Variants in PRRX1 observed in about 807,000 individuals in gnomAD.
PRRX1 encodes the protein paired related homeobox 1.
In PRRX1, 8 loss-of-function variants were observed where a neutral mutation model predicts 24.0. That is an observed-to-expected ratio of 0.33 (90% confidence interval 0.20 to 0.60). The LOEUF is 0.60. Ranked by LOEUF, PRRX1 falls within the 20% of genes least tolerant of loss-of-function variation. The probability of loss-of-function intolerance (pLI) is 0.82; values close to 1 mark genes in which losing one functional copy is unlikely to be tolerated. For synonymous variants in PRRX1, 160 were observed against 131.7 expected, an observed-to-expected ratio of 1.22 and a Z score of -1.47; for missense variants, 281 against 322.4, an observed-to-expected ratio of 0.87 and a Z score of 0.98.
intron 1 of PRRX1, among the ~76,000 whole-genome samples, chr1:170,696,938 A>G (rs1187728465): frequency 6.6e-6 from 1 of 152,178 alleles, no homozygotes; most frequent in East Asian, 1.9e-4. Flanking sequence ...TGAACTTAAT[A>G]GAGCTAAATA....
intron 1 of PRRX1, among the ~76,000 whole-genome samples, chr1:170,679,494 G>A (rs573502879): frequency 6.6e-6 from 1 of 152,280 alleles, no homozygotes; most frequent in Non-Finnish European, 1.5e-5. Flanking sequence ...CCACCTCCCA[G>A]GTTCATGCCA....
At chr1:170,693,000 C>T (rs192408482) in intron 1 of PRRX1, among the ~76,000 whole-genome samples, 3 of 152,126 alleles carry the variant, frequency 2.0e-5, no homozygotes, top group Admixed American at 6.6e-5. Flanking sequence ...ATGTTAACAC[C>T]AGCATCTTGA....
chr1:170,662,973 G>A (rs1273856082), upstream of PRRX1: 1 of 152,138 alleles, frequency 6.6e-6, no homozygotes, highest in Admixed American at 6.5e-5. Context: ...GCAGGGGAAT[G>A]ATAATTAGAC....
intron 1 of PRRX1, among the ~76,000 whole-genome samples, chr1:170,715,920 TTC>T (rs1482247701): frequency 6.6e-6 from 1 of 152,212 alleles, no homozygotes; most frequent in African/African-American, 2.4e-5. Context: ...GCTTTGTTGT[TTC>T]TCTCTTGCAC....
At chr1:170,727,826 G>C (rs376414362) in intron 3 of PRRX1, 6 of 152,174 alleles carry the variant, frequency 3.9e-5, no homozygotes, top group African/African-American at 1.4e-4. Flanking sequence ...TTATATCTGT[G>C]TGCCCTATTT....
intron 1 of PRRX1, among the ~76,000 whole-genome samples, chr1:170,676,915 T>C (rs1470231912): frequency 6.6e-6 from 1 of 152,212 alleles, no homozygotes; most frequent in African/African-American, 2.4e-5. Context: ...ATGTGACTGC[T>C]GCACCTATCT....
intron 1 of PRRX1, among the ~76,000 whole-genome samples, chr1:170,687,952 A>G (rs1653802377): frequency 6.6e-6 from 1 of 152,148 alleles, no homozygotes; most frequent in African/African-American, 2.4e-5. Context: ...AAAAAGGGGA[A>G]AAAGAAAGGA....
intron 1 of PRRX1, among the ~76,000 whole-genome samples, chr1:170,681,254 G>A (rs1297396347): frequency 1.3e-5 from 2 of 152,174 alleles, no homozygotes; most frequent in Admixed American, 1.3e-4. Flanking sequence ...TTGGAGCAAT[G>A]TGCCTGAAGC....
At chr1:170,668,969 C>A (rs1016600202) in intron 1 of PRRX1, 2 of 152,062 alleles carry the variant, frequency 1.3e-5, no homozygotes, top group Non-Finnish European at 2.9e-5. Flanking sequence ...TCAAGGCCAG[C>A]CAAGAGGTGG....
intron 1 of PRRX1, chr1:170,667,564 G>T (rs116779339): frequency 6.6e-6 from 1 of 152,088 alleles, no homozygotes; most frequent in African/African-American, 2.4e-5. Context: ...CAGGACAGCT[G>T]GGCCTCCAGC....
chr1:170,712,945 C>T (rs1357154648), intron 1 of PRRX1, among the ~76,000 whole-genome samples: 1 of 152,158 alleles, frequency 6.6e-6, no homozygotes, highest in East Asian at 1.9e-4. Context: ...AATGAGTAAA[C>T]TGGTAATTCA....
At chr1:170,673,732 A>G (rs189117728) in intron 1 of PRRX1, among the ~76,000 whole-genome samples, 1 of 152,312 alleles carries the variant, frequency 6.6e-6, no homozygotes, top group East Asian at 1.9e-4. Context: ...CTGTTTTCCT[A>G]TATGGTAACA....
intron 1 of PRRX1, among the ~76,000 whole-genome samples, chr1:170,684,934 A>T (rs1044380297): frequency 1.3e-5 from 2 of 152,226 alleles, no homozygotes; most frequent in African/African-American, 2.4e-5. Flanking sequence ...ATAAACCTAG[A>T]GTTATGCCAT....
At chr1:170,735,945 CT>C in intron 3 of PRRX1, 102 bp from the exon 4 acceptor site, 1 of 1,513,622 alleles carries the variant, frequency 6.6e-7, no homozygotes, top group Non-Finnish European at 9.2e-7. Flanking sequence ...GCCATTGCCC[CT>C]GCCTGCCCCC....
chr1:170,674,058 C>T (rs970035954), intron 1 of PRRX1, among the ~76,000 whole-genome samples: 4 of 152,194 alleles, frequency 2.6e-5, no homozygotes, highest in African/African-American at 9.7e-5. Context: ...AAAATCATGT[C>T]ATGTTCTTTC....
chr1:170,679,943 A>G (rs941930142), intron 1 of PRRX1, among the ~76,000 whole-genome samples: 1 of 152,164 alleles, frequency 6.6e-6, no homozygotes, highest in Non-Finnish European at 1.5e-5. Flanking sequence ...TTGTTTACTT[A>G]TCTTTTTTAT....
chr1:170,715,140 A>C (rs1654867110), intron 1 of PRRX1, among the ~76,000 whole-genome samples: 1 of 152,194 alleles, frequency 6.6e-6, no homozygotes, highest in Admixed American at 6.5e-5. Flanking sequence ...CTGATAAAGA[A>C]ACACTGCAAA....
At chr1:170,690,620 A>C (rs1209237727) in intron 1 of PRRX1, among the ~76,000 whole-genome samples, 2 of 152,126 alleles carry the variant, frequency 1.3e-5, no homozygotes, top group African/African-American at 2.4e-5. Context: ...GTTTGGTAAA[A>C]TTCAACTTCC....
At chr1:170,731,299 C>T (rs568991134) in intron 3 of PRRX1, among the ~76,000 whole-genome samples, 1 of 151,616 alleles carries the variant, frequency 6.6e-6, no homozygotes, top group African/African-American at 2.4e-5. Context: ...ACACCGTAAC[C>T]CCTACAGTCT....
Sources: gnomAD v4.1 joint callset for allele counts (sites outside exome capture counted in the v4.1 genomes callset) on GRCh38, gnomAD v4.1.1 for gene constraint, MANE v1.5 for transcripts, NCBI Gene and HGNC (gene_info 2026-07-23, HGNC 2026-07-21) for gene names.